TENM2: variants seen among roughly 807,000 people sequenced by gnomAD.
The protein encoded by TENM2 is teneurin-2.
A neutral mutation model predicts 245.2 loss-of-function variants in TENM2; 52 were observed. The ratio of observed to expected loss-of-function variants is 0.21; its 90% confidence interval spans 0.17 to 0.27. TENM2 has a LOEUF of 0.27. Among genes scored for constraint, TENM2 ranks in the 10% least tolerant of loss-of-function variants. The probability of loss-of-function intolerance (pLI) is 1.00; values close to 1 mark genes in which losing one functional copy is unlikely to be tolerated. For synonymous variants in TENM2, 1,363 were observed against 1,438.9 expected (o/e 0.95, Z 1.19); for missense variants, 3,046 against 3,666.8 (o/e 0.83, Z 4.37).
the TENM2 span, among the ~76,000 whole-genome samples, chr5:167,206,143 A>G: frequency 6.6e-6 from 1 of 152,164 alleles, no homozygotes; most frequent in African/African-American, 2.4e-5. Context: ...CTTACCACAG[A>G]TCCTTATCCA....
chr5:167,031,680 T>G, the TENM2 span, among the ~76,000 whole-genome samples: 1 of 152,308 alleles, frequency 6.6e-6, no homozygotes, highest in East Asian at 1.9e-4. Flanking sequence ...TTCTCCTGCC[T>G]CAGCCTCCCG....
intron 1 of TENM2, among the ~76,000 whole-genome samples, chr5:167,357,907 G>T (rs921144411): frequency 1.3e-5 from 2 of 152,086 alleles, no homozygotes; most frequent in African/African-American, 4.8e-5. Flanking sequence ...CACACTCCCA[G>T]CTTCTGTGCC....
chr5:167,071,739 C>G, the TENM2 span, among the ~76,000 whole-genome samples: 2 of 152,054 alleles, frequency 1.3e-5, no homozygotes, highest in Non-Finnish European at 2.9e-5. Context: ...CATTGGCTTC[C>G]CATTTTACAG....
At chr5:168,160,952 G>T (rs1757691238) in intron 12 of TENM2, among the ~76,000 whole-genome samples, 1 of 152,072 alleles carries the variant, frequency 6.6e-6, no homozygotes, top group Non-Finnish European at 1.5e-5. Flanking sequence ...GATCACTCAA[G>T]CCCAGGAGTT....
chr5:167,320,404 T>C (rs1265767838), intron 1 of TENM2, among the ~76,000 whole-genome samples: 1 of 152,242 alleles, frequency 6.6e-6, no homozygotes, highest in Non-Finnish European at 1.5e-5. Context: ...TGACAGATTC[T>C]ACAGGTAAAT....
In TENM2 at chr5:168,247,577, G is replaced by T. The variant is rs1478107396; in HGVS notation, c.6638G>T (p.Ser2213Ile). 3.1e-6 allele frequency: 5 copies of T among 1,612,990 alleles called. No individual in the cohort carries two copies. The highest frequency in any genetic ancestry group is 2.5e-6 in the Non-Finnish European group (3 of 1,179,104). ...TACGATGGGGACGGGCAGCTCCAGA[G>T]CGTGGCCGTCAATGACCGCCCGACC... The change falls in exon 27 of 29, where the codon AGC (serine) becomes ATC (isoleucine). Residue 2213 changes from serine (S) to isoleucine (I), a missense_variant. Physicochemically the swap from Ser to Ile is moderately radical, Grantham distance 142. Coordinates refer to ENST00000518659, the Ensembl canonical transcript of TENM2. This position sits in a 1 kb window ranked among gnomAD's most constrained non-coding sequence, Gnocchi z 7.8.
intron 2 of TENM2, among the ~76,000 whole-genome samples, chr5:167,477,843 C>T (rs530361204): frequency 6.6e-6 from 1 of 151,250 alleles, no homozygotes; most frequent in Non-Finnish European, 1.5e-5. Flanking sequence ...GAAAGGAGGG[C>T]AATAGGTGGG....
intron 2 of TENM2, among the ~76,000 whole-genome samples, chr5:167,583,613 C>G (rs968621999): frequency 6.6e-6 from 1 of 152,084 alleles, no homozygotes; most frequent in Non-Finnish European, 1.5e-5. Flanking sequence ...TATAGTACCA[C>G]AAGATTCCCA....
At chr5:168,028,616 C>G (rs973752649) in intron 5 of TENM2, among the ~76,000 whole-genome samples, 1 of 152,120 alleles carries the variant, frequency 6.6e-6, no homozygotes, top group Non-Finnish European at 1.5e-5. Flanking sequence ...AATGAAAATG[C>G]TTTTAATATA....
exon 25 of TENM2, chr5:168,228,069 A>G: frequency 6.2e-7 from 1 of 1,613,918 alleles, no homozygotes; most frequent in Non-Finnish European, 8.5e-7. Context: ...AACTCCATTG[A>G]GTGGCGCCTA....
At chr5:167,987,934 TC>T (rs1783375507) in intron 4 of TENM2, among the ~76,000 whole-genome samples, 1 of 152,292 alleles carries the variant, frequency 6.6e-6, no homozygotes, top group African/African-American at 2.4e-5. Context: ...TTTTGTTTAA[TC>T]ATTTTAAACC....
the TENM2 span, among the ~76,000 whole-genome samples, chr5:167,277,241 G>T: frequency 6.6e-6 from 1 of 151,886 alleles, no homozygotes; most frequent in Non-Finnish European, 1.5e-5. Flanking sequence ...TCCAGTGTAT[G>T]CATTTACTTC....
chr5:167,934,210 A>G (rs1016677748), intron 3 of TENM2, among the ~76,000 whole-genome samples: 2 of 152,212 alleles, frequency 1.3e-5, no homozygotes, highest in Non-Finnish European at 2.9e-5. Context: ...TGCCCACATA[A>G]TATTACATCA....
intron 2 of TENM2, among the ~76,000 whole-genome samples, chr5:167,740,971 C>A (rs1761139457): frequency 6.6e-6 from 1 of 152,192 alleles, no homozygotes; most frequent in African/African-American, 2.4e-5. Flanking sequence ...CTTCTGTCAA[C>A]CCTGCAGATG....
At chr5:167,421,920 T>C (rs1763530493) in intron 2 of TENM2, among the ~76,000 whole-genome samples, 1 of 152,112 alleles carries the variant, frequency 6.6e-6, no homozygotes, top group Admixed American at 6.6e-5. Flanking sequence ...GCCTCCCAAG[T>C]AGCTGGAATT....
chr5:167,835,297 A>G (rs1768890068), intron 2 of TENM2, among the ~76,000 whole-genome samples: 1 of 152,190 alleles, frequency 6.6e-6, no homozygotes, highest in African/African-American at 2.4e-5. Context: ...TCTTTGCTTC[A>G]GTCTTTCTGT....
chr5:167,055,178 C>T, the TENM2 span, among the ~76,000 whole-genome samples: 8 of 152,064 alleles, frequency 5.3e-5, no homozygotes, highest in Admixed American at 4.6e-4. Flanking sequence ...ATTTAGATCT[C>T]TGATCCATTT....
chr5:167,073,594 A>G, the TENM2 span, among the ~76,000 whole-genome samples: 6 of 152,222 alleles, frequency 3.9e-5, no homozygotes, highest in East Asian at 1.2e-3. Flanking sequence ...CTTCAGTCGC[A>G]TATCTGCCTC....
intron 2 of TENM2, among the ~76,000 whole-genome samples, chr5:167,537,921 G>T (rs1771952941): frequency 1.3e-5 from 2 of 152,188 alleles, no homozygotes; most frequent in South Asian, 4.1e-4. Context: ...TGGTTACAAA[G>T]CCATGATATT....
Sources: allele counts gnomAD v4.1 joint callset (sites outside exome capture counted in the v4.1 genomes callset), GRCh38; gene constraint gnomAD v4.1.1; non-coding constraint Gnocchi (gnomAD v3.1); transcripts MANE v1.5; gene names NCBI Gene and HGNC (gene_info 2026-07-23, HGNC 2026-07-21).